The following ATP8A2 variants were observed in gnomAD, a reference collection of about 807,000 sequenced individuals.
ATP8A2 encodes ATPase phospholipid transporting 8A2, also known as phospholipid-transporting ATPase IB.
A neutral mutation model predicts 165.6 loss-of-function variants in ATP8A2; 100 were observed. That is an observed-to-expected ratio of 0.60 (90% CI 0.51 to 0.71). ATP8A2 has a LOEUF of 0.71. Among genes scored for constraint, ATP8A2 ranks in the 30% least tolerant of loss-of-function variants. ATP8A2 has a pLI of 0.00. For synonymous variants in ATP8A2, 543 were observed against 548.8 expected (o/e 0.99, Z 0.15); for missense variants, 1,227 against 1,479.5 (o/e 0.83, Z 2.80).
chr13:25,918,584 TTATAA>T lies in ATP8A2; in HGVS notation c.3184-42986_3184-42982del, dbSNP rs72172421. ...GGAAGGGAATAAGCAGCAGTTTATG[TTATAA>T]TATATTATAATTGCTTATTTTAAAG... On this transcript the variant is annotated intron_variant, in intron 33 of 36. Transcript: ENST00000381655. 5.6e-3 allele frequency among the ~76,000 whole-genome samples: 849 copies of T among 152,308 alleles called. 8 individuals carry two copies. Among genetic ancestry groups the T allele is most frequent in the African/African-American group, 0.017 (690 of 41,564 alleles).
intron 35 of ATP8A2, among the ~76,000 whole-genome samples, chr13:26,002,333 A>G (rs1205412153): frequency 6.6e-6 from 1 of 151,518 alleles, no homozygotes; most frequent in African/African-American, 2.4e-5. Flanking sequence ...ACCAAACACC[A>G]CATGTTCTCA....
At chr13:25,725,159 A>C (rs1209588220) in intron 25 of ATP8A2, among the ~76,000 whole-genome samples, 1 of 152,250 alleles carries the variant, frequency 6.6e-6, no homozygotes, top group African/African-American at 2.4e-5. Flanking sequence ...ATATTCTCCC[A>C]CTAACAGGAG....
intron 16 of ATP8A2, among the ~76,000 whole-genome samples, chr13:25,565,273 G>C (rs1166823350): frequency 6.6e-6 from 1 of 152,128 alleles, no homozygotes; most frequent in Non-Finnish European, 1.5e-5. Context: ...TCAAATGGTA[G>C]TTCTACTTTT....
At chr13:25,789,334 T>C (rs145021345) in intron 27 of ATP8A2, among the ~76,000 whole-genome samples, 8 of 152,314 alleles carry the variant, frequency 5.3e-5, no homozygotes, top group African/African-American at 1.9e-4. Flanking sequence ...AATAAAACTC[T>C]AGTGTTTAAA....
chr13:25,943,218 G>T (rs1321677894), intron 33 of ATP8A2, among the ~76,000 whole-genome samples: 1 of 152,130 alleles, frequency 6.6e-6, no homozygotes, highest in Non-Finnish European at 1.5e-5. Context: ...TAGTTCAGCC[G>T]TTGCAAGCTT....
intron 25 of ATP8A2, chr13:25,705,132 C>A: frequency 2.3e-6 from 1 of 426,578 alleles, no homozygotes; most frequent in African/African-American, 2.1e-5. Flanking sequence ...TTCTTTCTTC[C>A]CCCTTTCTCA....
intron 12 of ATP8A2, 40 bp from the exon 13 acceptor site, chr13:25,554,951 A>G (rs1593523801): frequency 7.2e-6 from 9 of 1,242,090 alleles, no homozygotes; most frequent in East Asian, 2.3e-5. Flanking sequence ...TTAATGGTAT[A>G]TATTTTCTGA....
intron 35 of ATP8A2, among the ~76,000 whole-genome samples, chr13:25,969,040 C>T (rs1010299665): frequency 2.0e-5 from 3 of 152,108 alleles, no homozygotes; most frequent in Non-Finnish European, 2.9e-5. Flanking sequence ...AGTACTGTAC[C>T]CAAGGATGAG....
At chr13:26,006,362 TA>T (rs1203602497) in intron 35 of ATP8A2, among the ~76,000 whole-genome samples, 3 of 152,100 alleles carry the variant, frequency 2.0e-5, no homozygotes, top group African/African-American at 7.2e-5. Context: ...GTTCACCTGG[TA>T]TCCTGCAACT....
chr13:25,772,840 G>A (rs1187115963), intron 26 of ATP8A2, among the ~76,000 whole-genome samples: 4 of 151,606 alleles, frequency 2.6e-5, no homozygotes, highest in Admixed American at 1.3e-4. Context: ...TGCAGCCTCC[G>A]CCTCCGCCTC....
rs574938923 is a variant in ATP8A2, at chr13:25,683,775, T to G, written c.2212-15398T>G. 6.6e-5 allele frequency among the ~76,000 whole-genome samples: 10 copies of G among 152,138 alleles called. No individual in the cohort carries two copies. The East Asian group carries it at 1.7e-3, about 26-fold the overall frequency. On this transcript the variant is annotated intron_variant, in intron 24 of 36. Coordinates refer to ENST00000381655, the MANE Select transcript of ATP8A2 (RefSeq NM_016529.6). ...CAAGAAGGCCAAGTTTAGCCTACAG[T>G]GGTGTCTTGTTTGGACTGCACTGTG...
intron 24 of ATP8A2, among the ~76,000 whole-genome samples, chr13:25,606,123 C>T (rs1049104102): frequency 1.3e-5 from 2 of 152,158 alleles, no homozygotes; most frequent in Non-Finnish European, 2.9e-5. Context: ...TTAAAATCCT[C>T]TGAAATGAGG....
intron 33 of ATP8A2, among the ~76,000 whole-genome samples, chr13:25,907,947 G>C (rs1157165649): frequency 6.6e-6 from 1 of 152,174 alleles, no homozygotes; most frequent in African/African-American, 2.4e-5. Flanking sequence ...GACCTTGAAG[G>C]TTCTTTTCAG....
chr13:25,949,268 C>T (rs933068774), intron 33 of ATP8A2, among the ~76,000 whole-genome samples: 1 of 152,220 alleles, frequency 6.6e-6, no homozygotes, highest in Non-Finnish European at 1.5e-5. Flanking sequence ...CAGATGCCAG[C>T]GGGCCATTGC....
At chr13:25,817,123 C>A (rs1304270330) in intron 27 of ATP8A2, among the ~76,000 whole-genome samples, 2 of 152,102 alleles carry the variant, frequency 1.3e-5, no homozygotes, top group South Asian at 2.1e-4. Context: ...TAACCAGTGA[C>A]CTCCAGATGA....
chr13:25,880,068 G>A (rs74349741), intron 33 of ATP8A2, among the ~76,000 whole-genome samples: 13 of 152,332 alleles, frequency 8.5e-5, no homozygotes, highest in South Asian at 2.1e-4. Flanking sequence ...CCACAGCGGC[G>A]TAGGCCTGTC....
At chr13:25,801,906 G>A (rs1438152104) in intron 27 of ATP8A2, among the ~76,000 whole-genome samples, 1 of 152,082 alleles carries the variant, frequency 6.6e-6, no homozygotes, top group East Asian at 1.9e-4. Context: ...GCAGAGCAAA[G>A]TGGGGGCAGA....
intron 24 of ATP8A2, among the ~76,000 whole-genome samples, chr13:25,682,618 CA>C (rs1346703658): frequency 6.6e-6 from 1 of 152,196 alleles, no homozygotes; most frequent in South Asian, 2.1e-4. Context: ...TGAGTTTCTG[CA>C]GGCTGGCCGA....
At chr13:25,508,399 C>T (rs759035366) in intron 2 of ATP8A2, among the ~76,000 whole-genome samples, 1 of 152,146 alleles carries the variant, frequency 6.6e-6, no homozygotes, top group Non-Finnish European at 1.5e-5. Flanking sequence ...TGTGACGTGT[C>T]TCATAACATA....
Sources: allele counts gnomAD v4.1 joint callset (sites outside exome capture counted in the v4.1 genomes callset), GRCh38; gene constraint gnomAD v4.1.1; transcripts MANE v1.5; gene names NCBI Gene and HGNC (gene_info 2026-07-23, HGNC 2026-07-21).